STPG2: variants seen among roughly 807,000 people sequenced by gnomAD.
STPG2 encodes sperm-tail PG-rich repeat-containing protein 2.
A neutral mutation model predicts 54.2 loss-of-function variants in STPG2; 56 were observed. That is an observed-to-expected ratio of 1.03 (90% CI 0.83 to 1.29). The LOEUF is 1.29. Ranked by LOEUF, STPG2 falls within the 50% of genes most tolerant of loss-of-function variation. STPG2 has a pLI of 0.00. For synonymous variants in STPG2, 200 were observed against 181.8 expected (o/e 1.10, Z -0.81); for missense variants, 596 against 544.9 (o/e 1.09, Z -0.93).
intron 5 of STPG2, among the ~76,000 whole-genome samples, chr4:98,060,377 T>C (rs572669609): frequency 1.3e-5 from 2 of 151,972 alleles, no homozygotes; most frequent in Non-Finnish European, 2.9e-5. Context: ...GAAAGATCTC[T>C]ACAATGAGAG....
chr4:98,014,840 A>G (rs1396151347), intron 5 of STPG2, among the ~76,000 whole-genome samples: 1 of 152,086 alleles, frequency 6.6e-6, no homozygotes, highest in Non-Finnish European at 1.5e-5. Context: ...GAAATTATTT[A>G]CCTTTCCTTT....
chr4:97,692,223 C>G (rs1175827340), intron 10 of STPG2, among the ~76,000 whole-genome samples: 2 of 145,096 alleles, frequency 1.4e-5, no homozygotes. Context: ...GAAAGTTGAC[C>G]ATTAAGCTAA....
intron 8 of STPG2, among the ~76,000 whole-genome samples, chr4:97,899,193 G>A (rs181618248): frequency 6.6e-6 from 1 of 151,824 alleles, no homozygotes; most frequent in East Asian, 1.9e-4. Flanking sequence ...CAAACTGAGA[G>A]CCAAATCAAA....
intron 10 of STPG2, among the ~76,000 whole-genome samples, chr4:97,599,849 A>T (rs898197973): frequency 6.6e-6 from 1 of 151,544 alleles, no homozygotes; most frequent in Non-Finnish European, 1.5e-5. Context: ...AAAAGAAAAG[A>T]AAAGGAAAAA....
intron 9 of STPG2, among the ~76,000 whole-genome samples, chr4:97,795,077 A>G (rs991984056): frequency 6.6e-6 from 1 of 152,158 alleles, no homozygotes; most frequent in African/African-American, 2.4e-5. Flanking sequence ...ACTTTTTGTC[A>G]TTTAGTTAAT....
intron 5 of STPG2, among the ~76,000 whole-genome samples, chr4:98,044,709 A>G (rs1338049841): frequency 1.3e-5 from 2 of 152,174 alleles, no homozygotes; most frequent in African/African-American, 4.8e-5. Context: ...TAAACAGTCT[A>G]TTGGGAAGAA....
rs368920030 is a variant in STPG2, at chr4:97,601,508, T to C, written c.1321-42391A>G. ...TTTTTTCCCGTATGGGTGATTGAAT[T>C]TTTTGTGGTATAACTCTCAAAGTCC... On this transcript the variant is annotated intron_variant, in intron 10 of 10. Coordinates refer to ENST00000295268, the MANE Select transcript of STPG2 (RefSeq NM_174952.3). Among the ~76,000 whole-genome samples the C allele has an allele frequency of 1.7e-4, 26 of 152,128 alleles. No individual in the cohort carries two copies. The South Asian group carries it at 5.0e-3, about 29-fold the overall frequency.
intron 5 of STPG2, among the ~76,000 whole-genome samples, chr4:98,015,318 G>A (rs1056709304): frequency 2.6e-5 from 4 of 151,958 alleles, no homozygotes; most frequent in African/African-American, 9.7e-5. Context: ...TCTGAAAAAG[G>A]GCTAATATCC....
intron 4 of STPG2, among the ~76,000 whole-genome samples, chr4:97,477,042 C>A (rs1730089498): frequency 6.6e-6 from 1 of 152,166 alleles, no homozygotes. Flanking sequence ...GTAGACCAAC[C>A]TATAACAATT....
At chr4:97,481,183 T>C (rs2148820992) in intron 4 of STPG2, among the ~76,000 whole-genome samples, 1 of 151,714 alleles carries the variant, frequency 6.6e-6, no homozygotes, top group South Asian at 2.1e-4. Context: ...CTTTAGCATC[T>C]ATGTAAAAAA....
chr4:97,556,467 A>G (rs1034630729), downstream of STPG2, among the ~76,000 whole-genome samples: 2 of 152,196 alleles, frequency 1.3e-5, no homozygotes, highest in Middle Eastern at 6.3e-3. Flanking sequence ...AGAGAAAATT[A>G]CCTAATACAA....
chr4:98,045,489 T>C (rs1737096357), intron 5 of STPG2, among the ~76,000 whole-genome samples: 1 of 152,098 alleles, frequency 6.6e-6, no homozygotes, highest in Non-Finnish European at 1.5e-5. Context: ...AACACCAAAC[T>C]TGAAAAAACA....
intron 9 of STPG2, among the ~76,000 whole-genome samples, chr4:97,786,729 C>A (rs1726836181): frequency 6.6e-6 from 1 of 152,006 alleles, no homozygotes; most frequent in Non-Finnish European, 1.5e-5. Context: ...ATATGCCACT[C>A]ACCTGTTGGT....
chr4:97,486,216 AG>A (rs1730352748), intron 4 of STPG2, among the ~76,000 whole-genome samples: 1 of 151,856 alleles, frequency 6.6e-6, no homozygotes, highest in Non-Finnish European at 1.5e-5. Context: ...CAAAAGGAAC[AG>A]TCACCAGAGT....
chr4:97,714,005 T>A (rs1724211903), intron 9 of STPG2, among the ~76,000 whole-genome samples: 1 of 152,008 alleles, frequency 6.6e-6, no homozygotes, highest in South Asian at 2.1e-4. Flanking sequence ...TTCAGAAGAA[T>A]GGTAGTGAAT....
chr4:97,943,867 G>T (rs1233734281), intron 8 of STPG2, 30 bp downstream of exon 8: 61 of 1,439,190 alleles, frequency 4.2e-5, no homozygotes, highest in Non-Finnish European at 5.5e-5. Context: ...TCTAGATAAT[G>T]AAAATATTTG....
chr4:98,071,001 G>T (rs2110107484), intron 5 of STPG2, among the ~76,000 whole-genome samples: 1 of 151,884 alleles, frequency 6.6e-6, no homozygotes, highest in East Asian at 1.9e-4. Context: ...GGGGCTCTCT[G>T]GGTCCAAACT....
At chr4:97,713,490 A>C (rs567523531) in intron 9 of STPG2, among the ~76,000 whole-genome samples, 3 of 152,234 alleles carry the variant, frequency 2.0e-5, no homozygotes, top group Non-Finnish European at 4.4e-5. Flanking sequence ...TTTCATAGAC[A>C]ATGGGTAGCT....
chr4:97,652,963 T>C (rs1330143360), intron 10 of STPG2, among the ~76,000 whole-genome samples: 1 of 151,984 alleles, frequency 6.6e-6, no homozygotes, highest in Admixed American at 6.6e-5. Context: ...ATTCCTCATA[T>C]ACCTTTAGCA....
Sources: gnomAD v4.1 joint callset for allele counts (sites outside exome capture counted in the v4.1 genomes callset) on GRCh38, gnomAD v4.1.1 for gene constraint, MANE v1.5 for transcripts, NCBI Gene and HGNC (gene_info 2026-07-23, HGNC 2026-07-21) for gene names.